The following PLCG2 variants were observed in gnomAD, a reference collection of about 807,000 sequenced individuals.
The protein encoded by PLCG2 is 1-phosphatidylinositol 4,5-bisphosphate phosphodiesterase gamma-2.
In PLCG2, 69 loss-of-function variants were observed where a neutral mutation model predicts 175.6. That is an observed-to-expected ratio of 0.39 (90% CI 0.32 to 0.48). PLCG2 has a LOEUF of 0.48. Ranked by LOEUF, PLCG2 falls within the 20% of genes least tolerant of loss-of-function variation. PLCG2 has a pLI of 0.91. For synonymous variants in PLCG2, 827 were observed against 624.0 expected (o/e 1.33, Z -4.85); for missense variants, 1,798 against 1,650.9 (o/e 1.09, Z -1.54).
chr16:81,929,457 G>A (rs1237052095), intron 24 of PLCG2, among the ~76,000 whole-genome samples: 3 of 152,172 alleles, frequency 2.0e-5, no homozygotes, highest in African/African-American at 2.4e-5. Context: ...GTGCAGTGGC[G>A]TGATCTTGGC....
At chr16:81,864,613 T>C (rs549983020) in intron 5 of PLCG2, among the ~76,000 whole-genome samples, 2 of 152,316 alleles carry the variant, frequency 1.3e-5, no homozygotes, top group East Asian at 1.9e-4. Context: ...GATGTGAGGC[T>C]TCAGGAGTTA....
chr16:81,821,303 T>C (rs890552312), intron 2 of PLCG2, among the ~76,000 whole-genome samples: 1 of 152,250 alleles, frequency 6.6e-6, no homozygotes, highest in African/African-American at 2.4e-5. Flanking sequence ...GTAATAATAA[T>C]GGATTGTTGT....
At chr16:81,941,373 A>ACAGGGTGATGAGTCAGCC (rs1259659638) in intron 30 of PLCG2, among the ~76,000 whole-genome samples, 4 of 152,172 alleles carry the variant, frequency 2.6e-5, no homozygotes, top group Non-Finnish European at 5.9e-5. Flanking sequence ...TGGACCCACC[A>ACAGGGTGATGAGTCAGCC]CAGGGTGATG....
chr16:81,769,397 C>A (rs1910223565), intron 2 of PLCG2, among the ~76,000 whole-genome samples: 1 of 152,182 alleles, frequency 6.6e-6, no homozygotes, highest in Non-Finnish European at 1.5e-5. Flanking sequence ...ATGCGGATCC[C>A]TAGGCCCTGC....
chr16:81,877,001 C>G (rs1907823771), intron 7 of PLCG2, among the ~76,000 whole-genome samples: 1 of 152,172 alleles, frequency 6.6e-6, no homozygotes, highest in Non-Finnish European at 1.5e-5. Flanking sequence ...AAGTCCTTGC[C>G]TCCCTGGGCC....
rs61755444 is a variant in PLCG2 at position 81,858,323 on chromosome 16, C to G, written c.398C>G (p.Ala133Gly). The change falls in exon 4 of 33, where the codon GCG (alanine) becomes GGG (glycine). Residue 133 changes from alanine (A) to glycine (G), a missense_variant. Physicochemically the swap from Ala to Gly is moderately conservative, Grantham distance 60. Transcript: ENST00000564138. ...LSGLKILHQE[A>G]MNASTPTIIE... ...GGCTTGAAAATCTTACACCAGGAAG[C>G]GATGAATGCGTCCACGCCCACCATT... 7.4e-6 allele frequency: 12 copies of G among 1,613,762 alleles called. No individual in the cohort carries two copies. Among genetic ancestry groups the G allele is most frequent in the Non-Finnish European group, 1.0e-5 (12 of 1,179,756 alleles).
In PLCG2 at chr16:81,919,530, C is replaced by T. The variant is rs757839862; in HGVS notation, c.2101C>T (p.His701Tyr). 3 of 1,614,148 alleles carry T rather than the reference C, an allele frequency of 1.9e-6. No individual in the cohort carries two copies. Among genetic ancestry groups the T allele is most frequent in the African/African-American group, 2.7e-5 (2 of 75,014 alleles). Residue 701 changes from histidine (H) to tyrosine (Y), a missense_variant, in exon 20 of 33, where the codon CAC becomes TAC. Physicochemically the swap from His to Tyr is moderately conservative, Grantham distance 83. Coordinates refer to ENST00000564138, the MANE Select transcript of PLCG2 (RefSeq NM_002661.5). ...TTGTCGCATCAACCGGGACGGCCGG[C>T]ACTTTGTGCTGGGGACCTCCGCCTA... ...KHCRINRDGR[H>Y]FVLGTSAYFE...
intron 1 of PLCG2, among the ~76,000 whole-genome samples, chr16:81,745,562 C>G (rs1424583197): frequency 6.6e-6 from 1 of 152,134 alleles, no homozygotes; most frequent in African/African-American, 2.4e-5. Flanking sequence ...GGATGTCAAC[C>G]CCAAGTCTGC....
intron 5 of PLCG2, among the ~76,000 whole-genome samples, chr16:81,868,147 G>A (rs73594812): frequency 0.036 from 5,406 of 152,256 alleles, 220 homozygotes; most frequent in African/African-American, 0.09. Flanking sequence ...GTACCCATGT[G>A]ACACCCCACC....
At chr16:81,779,851 G>A (rs1910650722) in intron 1 of PLCG2, among the ~76,000 whole-genome samples, 1 of 152,228 alleles carries the variant, frequency 6.6e-6, no homozygotes, top group Admixed American at 6.5e-5. Flanking sequence ...TCACTTCGGT[G>A]GTTGCGGGTG....
intron 2 of PLCG2, among the ~76,000 whole-genome samples, chr16:81,773,779 G>A (rs1399130681): frequency 2.6e-5 from 4 of 152,112 alleles, no homozygotes; most frequent in Non-Finnish European, 4.4e-5. Context: ...TACCAAAGAA[G>A]AAAGTGAAGC....
chr16:81,932,500 T>C (rs558798120), intron 25 of PLCG2, among the ~76,000 whole-genome samples: 1 of 152,336 alleles, frequency 6.6e-6, no homozygotes, highest in South Asian at 2.1e-4. Flanking sequence ...AGGTAGAACT[T>C]GACCCAAAGG....
At chr16:81,909,583 A>G (rs987816094) in intron 17 of PLCG2, among the ~76,000 whole-genome samples, 1 of 152,140 alleles carries the variant, frequency 6.6e-6, no homozygotes, top group African/African-American at 2.4e-5. Context: ...CACCTGAATA[A>G]CTTTTAAATT....
chr16:81,877,172 G>A (rs1907832116), intron 7 of PLCG2, among the ~76,000 whole-genome samples: 2 of 152,218 alleles, frequency 1.3e-5, no homozygotes, highest in South Asian at 2.1e-4. Context: ...AATAACAGAA[G>A]TGTCGGGCAC....
chr16:81,900,021 A>G (rs553882860), intron 13 of PLCG2, among the ~76,000 whole-genome samples: 1 of 152,354 alleles, frequency 6.6e-6, no homozygotes, highest in East Asian at 1.9e-4. Flanking sequence ...AAAATCAACT[A>G]CAGATACACA....
chr16:81,760,710 A>G (rs1407308855), intron 2 of PLCG2, among the ~76,000 whole-genome samples: 3 of 150,914 alleles, frequency 2.0e-5, no homozygotes, highest in Non-Finnish European at 4.4e-5. Flanking sequence ...CAGGAGTTCA[A>G]GAGCAGCCTG....
At chr16:81,952,034 G>T (rs1181617831) in intron 31 of PLCG2, among the ~76,000 whole-genome samples, 2 of 152,100 alleles carry the variant, frequency 1.3e-5, no homozygotes, top group Non-Finnish European at 2.9e-5. Context: ...CAGAAATGTG[G>T]TGTGGGAGGA....
chr16:81,783,109 C>A, intron 1 of PLCG2: 1 of 484,776 alleles, frequency 2.1e-6, no homozygotes, highest in South Asian at 1.5e-5. Flanking sequence ...GGAGCCTGGT[C>A]CCTTGTCCTG....
At chr16:81,863,408 C>T (rs867525751) in intron 5 of PLCG2, among the ~76,000 whole-genome samples, 1 of 152,206 alleles carries the variant, frequency 6.6e-6, no homozygotes, top group Non-Finnish European at 1.5e-5. Flanking sequence ...GAATAATATT[C>T]CATTGTACAG....
Sources: allele counts gnomAD v4.1 joint callset (sites outside exome capture counted in the v4.1 genomes callset), GRCh38; gene constraint gnomAD v4.1.1; transcripts MANE v1.5; gene names NCBI Gene and HGNC (gene_info 2026-07-23, HGNC 2026-07-21).